The following LINGO2 variants were observed in gnomAD, a reference collection of about 807,000 sequenced individuals.
LINGO2 encodes the protein leucine rich repeat and Ig domain containing 2, also known as leucine-rich repeat and immunoglobulin-like domain-containing nogo receptor-interacting protein 2.
A neutral mutation model predicts 30.6 loss-of-function variants in LINGO2; 14 were observed. That is an observed-to-expected ratio of 0.46 (90% CI 0.30 to 0.72). The LOEUF (loss-of-function observed/expected upper bound fraction) is 0.72, where lower values mean the gene tolerates loss of function less well. Among genes scored for constraint, LINGO2 ranks in the 30% least tolerant of loss-of-function variants. LINGO2 has a pLI of 0.07. For missense variants in LINGO2, 729 were observed against 751.7 expected, an observed-to-expected ratio of 0.97 and a Z score of 0.35; for synonymous variants, 317 against 288.5, an observed-to-expected ratio of 1.10 and a Z score of -1.00.
intron 4 of LINGO2, among the ~76,000 whole-genome samples, chr9:28,176,379 C>G (rs1449160018): frequency 2.6e-5 from 4 of 152,156 alleles, no homozygotes; most frequent in Non-Finnish European, 5.9e-5. Context: ...TCTATAGCAC[C>G]ATGGTACTTT....
At chr9:28,785,433 G>A in the LINGO2 span, among the ~76,000 whole-genome samples, 4 of 152,132 alleles carry the variant, frequency 2.6e-5, no homozygotes, top group Non-Finnish European at 5.9e-5. Context: ...TCCATCTAAA[G>A]TAGCTTCTCA....
chr9:29,197,774 A>T, the LINGO2 span, among the ~76,000 whole-genome samples: 1 of 152,108 alleles, frequency 6.6e-6, no homozygotes, highest in African/African-American at 2.4e-5. Context: ...AGTCTAAAAG[A>T]TTGATTCACT....
At chr9:27,985,759 A>T (rs1370614671) in intron 5 of LINGO2, among the ~76,000 whole-genome samples, 1 of 151,744 alleles carries the variant, frequency 6.6e-6, no homozygotes, top group Non-Finnish European at 1.5e-5. Flanking sequence ...TCCCCCCAAC[A>T]CTTCCCAGGC....
intron 4 of LINGO2, among the ~76,000 whole-genome samples, chr9:28,042,823 G>A (rs148164170): frequency 1.3e-5 from 2 of 152,004 alleles, no homozygotes; most frequent in African/African-American, 4.8e-5. Flanking sequence ...TTTAACAAAT[G>A]TTATTATACA....
intron 1 of LINGO2, among the ~76,000 whole-genome samples, chr9:28,618,200 TC>T (rs1826226182): frequency 1.3e-5 from 2 of 152,110 alleles, no homozygotes; most frequent in African/African-American, 4.8e-5. Flanking sequence ...GAACTCTTGC[TC>T]CCCCAACCCC....
intron 2 of LINGO2, among the ~76,000 whole-genome samples, chr9:28,393,406 G>C (rs7045737): frequency 0.11 from 16,725 of 152,240 alleles, 975 homozygotes; most frequent in East Asian, 0.19. Context: ...GGCTGAAAGA[G>C]AGTTATTAAG....
intron 4 of LINGO2, among the ~76,000 whole-genome samples, chr9:28,241,267 CAAAAAAAAA>C (rs1164724626): frequency 0.18 from 14,932 of 83,834 alleles, 962 homozygotes; most frequent in African/African-American, 0.29. Flanking sequence ...GACCCTGTCT[CAAAAAAAAA>C]AAAAAAAAAA....
the LINGO2 span, among the ~76,000 whole-genome samples, chr9:29,198,059 G>T: frequency 6.6e-6 from 1 of 152,084 alleles, no homozygotes; most frequent in Non-Finnish European, 1.5e-5. Context: ...AAGAGGCTAT[G>T]ACTCTGCAGT....
intron 3 of LINGO2, among the ~76,000 whole-genome samples, chr9:28,315,215 C>T (rs528811733): frequency 3.5e-4 from 53 of 150,932 alleles, no homozygotes; most frequent in African/African-American, 1.2e-3. Flanking sequence ...CGAGCCTGCC[C>T]AAAATGGTGA....
chr9:28,559,163 A>G (rs1223343316), intron 1 of LINGO2, among the ~76,000 whole-genome samples: 1 of 152,138 alleles, frequency 6.6e-6, no homozygotes, highest in Non-Finnish European at 1.5e-5. Flanking sequence ...CACTGTCAGC[A>G]CTTTATTGGA....
At chr9:29,134,457 T>C in the LINGO2 span, among the ~76,000 whole-genome samples, 2 of 152,174 alleles carry the variant, frequency 1.3e-5, no homozygotes, top group Admixed American at 6.5e-5. Context: ...CATGTGATTT[T>C]TTTTATATTT....
intron 1 of LINGO2, among the ~76,000 whole-genome samples, chr9:28,523,657 A>G (rs1386499141): frequency 6.6e-6 from 1 of 152,200 alleles, no homozygotes; most frequent in Non-Finnish European, 1.5e-5. Context: ...ACTCAAAAAT[A>G]AAATTAAGAA....
intron 4 of LINGO2, among the ~76,000 whole-genome samples, chr9:28,167,975 G>A (rs1468530337): frequency 6.6e-6 from 1 of 152,042 alleles, no homozygotes; most frequent in Non-Finnish European, 1.5e-5. Flanking sequence ...GCCCTTTTTT[G>A]GTAACCATTC....
At chr9:28,905,870 C>A in the LINGO2 span, among the ~76,000 whole-genome samples, 1 of 151,986 alleles carries the variant, frequency 6.6e-6, no homozygotes, top group East Asian at 1.9e-4. Context: ...ATGTTCAGTG[C>A]AGCACTACTC....
the LINGO2 span, among the ~76,000 whole-genome samples, chr9:28,947,905 A>C: frequency 6.6e-6 from 1 of 152,022 alleles, no homozygotes; most frequent in Non-Finnish European, 1.5e-5. Flanking sequence ...AACCATCTCC[A>C]GTGGATTTCC....
chr9:28,591,602 G>T (rs1824914586), intron 1 of LINGO2, among the ~76,000 whole-genome samples: 1 of 151,958 alleles, frequency 6.6e-6, no homozygotes, highest in Non-Finnish European at 1.5e-5. Context: ...CTTCTTGTGT[G>T]GGAGGTCAAT....
intron 3 of LINGO2, among the ~76,000 whole-genome samples, chr9:28,344,012 C>A (rs140831043): frequency 6.6e-6 from 1 of 152,146 alleles, no homozygotes; most frequent in Non-Finnish European, 1.5e-5. Flanking sequence ...GTTTCTCCTG[C>A]AGCCAGTAAT....
chr9:28,851,322 C>T, the LINGO2 span, among the ~76,000 whole-genome samples: 1 of 152,032 alleles, frequency 6.6e-6, no homozygotes, highest in Non-Finnish European at 1.5e-5. Flanking sequence ...GACTCATAGC[C>T]TCTTCCTCTG....
chr9:28,180,434 A>G (rs1260362229), intron 4 of LINGO2, among the ~76,000 whole-genome samples: 2 of 152,172 alleles, frequency 1.3e-5, no homozygotes, highest in South Asian at 4.1e-4. Context: ...TACATATTCT[A>G]TCTTCTGTTT....
Sources: allele counts gnomAD v4.1 joint callset (sites outside exome capture counted in the v4.1 genomes callset), GRCh38; gene constraint gnomAD v4.1.1; transcripts MANE v1.5; gene names NCBI Gene and HGNC (gene_info 2026-07-23, HGNC 2026-07-21).